FRMD1: variants seen among roughly 807,000 people sequenced by gnomAD.
FRMD1 encodes the protein FERM domain-containing protein 1.
FRMD1 carries 51 observed loss-of-function variants against 54.9 expected under a neutral mutation model. The observed-to-expected ratio is 0.93, with a 90% CI of 0.74 to 1.17. The LOEUF (loss-of-function observed/expected upper bound fraction) is 1.17. Among genes scored for constraint, FRMD1 ranks in the 50% most tolerant of loss-of-function variants. The pLI is 0.00. For missense variants in FRMD1, 729 were observed against 743.0 expected (o/e 0.98, Z 0.22); for synonymous variants, 324 against 306.4 (o/e 1.06, Z -0.60).
intron 1 of FRMD1, among the ~76,000 whole-genome samples, chr6:168,087,785 C>T (rs1183172206): frequency 1.3e-5 from 2 of 152,188 alleles, no homozygotes; most frequent in Admixed American, 6.5e-5. Flanking sequence ...ATTCCTAGGT[C>T]CATCCCCTTC....
intron 2 of FRMD1, among the ~76,000 whole-genome samples, chr6:168,074,424 G>A (rs112145464): frequency 1.9e-4 from 28 of 151,146 alleles, no homozygotes; most frequent in Non-Finnish European, 3.4e-4. Context: ...TGTGTGGTGC[G>A]CACATGTGTA....
intron 2 of FRMD1, among the ~76,000 whole-genome samples, chr6:168,073,230 A>G (rs1800397269): frequency 7.1e-6 from 1 of 141,292 alleles, no homozygotes; most frequent in South Asian, 2.6e-4. Flanking sequence ...AAGCTGCTGG[A>G]GGCTGGAATC....
At chr6:168,067,189 C>T in intron 3 of FRMD1, 178 bp downstream of exon 3, 1 of 677,754 alleles carries the variant, frequency 1.5e-6, no homozygotes, top group South Asian at 1.6e-5. Flanking sequence ...CCTGCCCTCT[C>T]CCACCCCACG....
intron 1 of FRMD1, among the ~76,000 whole-genome samples, chr6:168,076,103 G>C (rs937659465): frequency 3.3e-5 from 5 of 152,172 alleles, no homozygotes; most frequent in Admixed American, 1.3e-4. Context: ...CCTGGTCACC[G>C]GGCAGCAGAG....
At chr6:168,076,545 A>T (rs1800602958) in intron 1 of FRMD1, among the ~76,000 whole-genome samples, 1 of 152,184 alleles carries the variant, frequency 6.6e-6, no homozygotes, top group Non-Finnish European at 1.5e-5. Context: ...TGGTTTTATA[A>T]GGCACTTCCC....
rs550778293 is a variant in FRMD1, at chr6:168,059,207, G to A, written c.1343-19C>T. ...CGAGTGGCTGTGGGAGGAGGCAGCCGTGAGCACAGGTGTCTGGGTTCTGCC... is the reference window on the plus strand; with the variant it reads ...CGAGTGGCTGTGGGAGGAGGCAGCCATGAGCACAGGTGTCTGGGTTCTGCC... On this transcript the variant is annotated intron_variant, in intron 9 of 10. Coordinates refer to ENST00000283309, the MANE Select transcript of FRMD1 (RefSeq NM_024919.6). The surrounding 1 kb of genome is among the most constrained non-coding windows in gnomAD (Gnocchi z 4.4). 2.4e-5 allele frequency: 37 copies of A among 1,565,528 alleles called. No individual in the cohort carries two copies. Among genetic ancestry groups the A allele is most frequent in the Admixed American group, 5.5e-5 (3 of 54,422 alleles).
upstream of FRMD1, among the ~76,000 whole-genome samples, chr6:168,084,443 G>C (rs886864927): frequency 6.6e-6 from 1 of 152,250 alleles, no homozygotes; most frequent in African/African-American, 2.4e-5. Flanking sequence ...CTGACATGCT[G>C]CTCCTGCCAT....
intron 1 of FRMD1, among the ~76,000 whole-genome samples, chr6:168,076,171 G>A (rs1800585258): frequency 6.6e-6 from 1 of 152,184 alleles, no homozygotes; most frequent in Non-Finnish European, 1.5e-5. Context: ...GTGCAGGACG[G>A]TTGCCGTGCG....
At chr6:168,060,036 G>A (rs1226263454) in intron 9 of FRMD1, among the ~76,000 whole-genome samples, 1 of 126,452 alleles carries the variant, frequency 7.9e-6, no homozygotes, top group Non-Finnish European at 1.7e-5. Context: ...GGGCTTCCTA[G>A]GAGTCAGAAG....
chr6:168,072,478 C>T (rs1468762680), intron 2 of FRMD1, among the ~76,000 whole-genome samples: 4 of 152,370 alleles, frequency 2.6e-5, no homozygotes, highest in African/African-American at 7.2e-5. Context: ...GGGGGATGCC[C>T]TGGGGCGTTT....
intron 1 of FRMD1, among the ~76,000 whole-genome samples, chr6:168,090,815 T>G (rs1801003741): frequency 6.6e-6 from 1 of 152,180 alleles, no homozygotes; most frequent in South Asian, 2.1e-4. Flanking sequence ...GCACGGTGCT[T>G]CCATGTGATT....
chr6:168,059,166 G>C lies in FRMD1; in HGVS notation c.1365C>G (p.Thr455=). ...CGCTCTGGCCTCTGGTCCTGACCTGGGTGCAGGGCTCCTGACGAGTGGCTG... is the reference window on the plus strand; with the variant it reads ...CGCTCTGGCCTCTGGTCCTGACCTGCGTGCAGGGCTCCTGACGAGTGGCTG... ...DSQATRQEPC[T]QVRTRGQSAE... The change falls in exon 10 of 11, where the codon ACC becomes ACG. Residue 455 remains threonine, a synonymous_variant. Coordinates refer to ENST00000283309, the MANE Select transcript of FRMD1 (RefSeq NM_024919.6). This position sits in a 1 kb window ranked among gnomAD's most constrained non-coding sequence, Gnocchi z 4.4. 1 of 1,586,474 alleles carries C rather than the reference G, an allele frequency of 6.3e-7. No individual in the cohort carries two copies. The highest frequency in any genetic ancestry group is 8.5e-7 in the Non-Finnish European group (1 of 1,170,032).
chr6:168,074,781 A>G (rs1484527301), intron 2 of FRMD1, among the ~76,000 whole-genome samples: 3 of 76,022 alleles, frequency 3.9e-5, no homozygotes, highest in Non-Finnish European at 5.3e-5. Context: ...TACATGTGTG[A>G]CTGGTGTGTG....
Position 168,054,833 on chromosome 6 carries a change from G to C in FRMD1, c.*2264C>G, listed in dbSNP as rs913370423. On this transcript the variant is annotated 3_prime_UTR_variant, in exon 11 of 11. Transcript: ENST00000283309. The stretch of plus-strand genomic sequence containing the variant: ...GTGGAAGGGGGCTGTGGGGAGGGGC[G>C]GTGAGCAAAGCTGAGGCTCAAGCCT... 3 of 152,396 alleles carry C rather than the reference G, an allele frequency of 2.0e-5. No homozygotes were observed. The East Asian group carries it at 5.8e-4, about 30-fold the overall frequency. The allele number at this position is 152,396 out of a possible 1,614,324, so 9.4% of individuals were successfully genotyped here.
At chr6:168,085,259 G>A (rs1800898498), upstream of FRMD1, among the ~76,000 whole-genome samples, 1 of 152,250 alleles carries the variant, frequency 6.6e-6, no homozygotes, top group Non-Finnish European at 1.5e-5. Context: ...CTCACCTGAT[G>A]CACAGTGTGG....
At position 168,079,089 on chromosome 6, in the gene FRMD1, C is replaced by T. The variant is rs200628563; in HGVS notation, c.6G>A (p.Ala2=). The part of the protein sequence containing the change: M[A]VPPRGRGIDP... ...CTATGCCCCTCCCTCTCGGGGGCAC[C>T]GCCATGCTGTCGTTACTCGGCCCTC... Residue 2 remains alanine, a synonymous_variant, in exon 1 of 11, where the codon GCG becomes GCA. Transcript: ENST00000283309. The T allele has an allele frequency of 1.0e-4, 168 of 1,600,820 alleles. No homozygotes were observed. In the East Asian group the frequency reaches 3.2e-3, roughly 31 times the overall value.
At chr6:168,080,854 CGCTGGTGTGTGCGGGT>C (rs1436712453), upstream of FRMD1, among the ~76,000 whole-genome samples, 61 of 149,518 alleles carry the variant, frequency 4.1e-4, no homozygotes, top group Middle Eastern at 3.4e-3. Context: ...TGTGTGTGGG[CGCTGGTGTGTGCGGGT>C]GCTGGTGTGT....
chr6:168,086,082 C>T (rs1023185560), upstream of FRMD1, among the ~76,000 whole-genome samples: 2 of 152,264 alleles, frequency 1.3e-5, no homozygotes, highest in Non-Finnish European at 2.9e-5. Context: ...GCCTGCCTTC[C>T]GGCCCTGGAG....
At chr6:168,087,436 A>C (rs77217777) in intron 1 of FRMD1, among the ~76,000 whole-genome samples, 23 of 152,310 alleles carry the variant, frequency 1.5e-4, no homozygotes, top group African/African-American at 5.3e-4. Flanking sequence ...AGTGGGGTAC[A>C]TGTTGGTCAG....
Sources: gnomAD v4.1 joint callset for allele counts (sites outside exome capture counted in the v4.1 genomes callset) on GRCh38, gnomAD v4.1.1 for gene constraint, Gnocchi (gnomAD v3.1) non-coding constraint, MANE v1.5 for transcripts, NCBI Gene and HGNC (gene_info 2026-07-23, HGNC 2026-07-21) for gene names.